The following CFAP46 variants were observed in gnomAD, a reference collection of about 807,000 sequenced individuals.
CFAP46 encodes cilia- and flagella-associated protein 46.
In CFAP46, 245 loss-of-function variants were observed where a neutral mutation model predicts 325.7. The ratio of observed to expected loss-of-function variants is 0.75; its 90% confidence interval spans 0.68 to 0.84. The LOEUF (loss-of-function observed/expected upper bound fraction) is 0.84. Ranked by LOEUF, CFAP46 falls within the 40% of genes least tolerant of loss-of-function variation. CFAP46 has a pLI of 0.00. For missense variants in CFAP46, 3,346 were observed against 3,543.0 expected, an observed-to-expected ratio of 0.94 and a Z score of 1.41; for synonymous variants, 1,523 against 1,495.9, an observed-to-expected ratio of 1.02 and a Z score of -0.42.
Position 132,886,131 on chromosome 10 carries a change from A to G in CFAP46, c.3305-172T>C, listed in dbSNP as rs532567916. On this transcript the variant is annotated intron_variant, in intron 25 of 57. Transcript: ENST00000368586. This position sits in a 1 kb window ranked among gnomAD's most constrained non-coding sequence, Gnocchi z 5.8. ...GGGCTGAAGTGAGCTGTGGACCTGC[A>G]TGGCCCCTCCAGCCCCACAGTGGCC... Among the ~76,000 whole-genome samples, 18 of 152,274 alleles carry G rather than the reference A, an allele frequency of 1.2e-4. No individual in the cohort carries two copies. Among genetic ancestry groups the G allele is most frequent in the East Asian group, 3.9e-4 (2 of 5,174 alleles).
intron 13 of CFAP46, among the ~76,000 whole-genome samples, chr10:132,920,672 C>T (rs914501711): frequency 5.3e-5 from 8 of 152,308 alleles, no homozygotes; most frequent in African/African-American, 1.4e-4. Context: ...TGTGCATGGG[C>T]GACCCCGGGG....
rs1309183185 is a variant in CFAP46 at position 132,850,402 on chromosome 10, G to A, written c.5794C>T (p.His1932Tyr). ...QWFTLKRTLA[H>Y]GALAQLGSLQ... Reference sequence around the variant, plus strand: ...CTCCCCAGCTGTGCCAGTGCCCCGTGTGCTAGAGTCCGCTTCAGCGTGAAC... The same window carrying A: ...CTCCCCAGCTGTGCCAGTGCCCCGTATGCTAGAGTCCGCTTCAGCGTGAAC... Residue 1932 changes from histidine (H) to tyrosine (Y), a missense_variant, in exon 41 of 58, where the codon CAC (histidine) becomes TAC (tyrosine). By Grantham distance (83) the His-to-Tyr change is moderately conservative. Coordinates refer to ENST00000368586, the MANE Select transcript of CFAP46 (RefSeq NM_001200049.3). The A allele has an allele frequency of 1.3e-6, 2 of 1,580,562 alleles. No individual in the cohort carries two copies. Among genetic ancestry groups the A allele is most frequent in the South Asian group, 2.3e-5 (2 of 86,700 alleles).
chr10:132,810,879 G>C, intron 56 of CFAP46, 71 bp downstream of exon 56: 2 of 1,409,166 alleles, frequency 1.4e-6, no homozygotes, highest in South Asian at 2.5e-5. Flanking sequence ...CTCCCTTGTG[G>C]GTCCCACGCC....
At chr10:132,850,110 C>G in intron 41 of CFAP46, 134 bp downstream of exon 41, 1 of 901,806 alleles carries the variant, frequency 1.1e-6, no homozygotes, top group East Asian at 2.7e-5. Flanking sequence ...TTCCCTCACG[C>G]CTACTTCCTA....
chr10:132,919,431 C>T lies in CFAP46; in HGVS notation c.1742G>A (p.Trp581Ter), dbSNP rs953855094. ...NENDKERIQI[W>*]AELAKVARKQ... Reference sequence around the variant, plus strand: ...CCGGGCCACTTTGGCCAGCTCTGCCCAAATCTGTATCCTGCTCACCGAGAA... The same window carrying T: ...CCGGGCCACTTTGGCCAGCTCTGCCTAAATCTGTATCCTGCTCACCGAGAA... The change falls in exon 15 of 58, where the codon TGG (tryptophan) becomes TAG (stop). Residue 581 changes from tryptophan to a stop codon, truncating the protein, a stop_gained. Transcript: ENST00000368586. LOFTEE classifies it high-confidence loss of function. The surrounding 1 kb of genome is among the most constrained non-coding windows in gnomAD (Gnocchi z 9.7). 5 of 1,549,532 alleles carry T rather than the reference C, an allele frequency of 3.2e-6. No individual in the cohort carries two copies. In the African/African-American group the frequency reaches 5.5e-5, roughly 17 times the overall value.
chr10:132,936,906 C>T (rs1850016595), intron 7 of CFAP46, 55 bp downstream of exon 7: 4 of 1,157,890 alleles, frequency 3.5e-6, no homozygotes, highest in Non-Finnish European at 4.8e-6. Context: ...CAGAGCTCTC[C>T]CAAGCCCAGC....
Position 132,884,116 on chromosome 10 carries a change from C to T in CFAP46, c.3627+987G>A, listed in dbSNP as rs574189452. 1.3e-5 allele frequency among the ~76,000 whole-genome samples: 2 copies of T among 152,218 alleles called. No individual in the cohort carries two copies. Among genetic ancestry groups the T allele is most frequent in the Non-Finnish European group, 1.5e-5 (1 of 68,024 alleles). ...CTGGGTCCTGCCTTCCCCAGCCGCC[C>T]GCAGCCTCCCCTCCTCAGGCCCTTC... On this transcript the variant is annotated intron_variant, in intron 27 of 57. Transcript: ENST00000368586. This position sits in a 1 kb window ranked among gnomAD's most constrained non-coding sequence, Gnocchi z 5.4.
chr10:132,919,791 G>A lies in CFAP46; in HGVS notation c.1730+268C>T, dbSNP rs1019409267. ...AAATCAGCCTGCTCTGGTCACAGGC[G>A]CTGCGTGTCCTCCGAGTGACAGCAG... On this transcript the variant is annotated intron_variant, in intron 14 of 57. Coordinates refer to ENST00000368586, the MANE Select transcript of CFAP46 (RefSeq NM_001200049.3). This position sits in a 1 kb window ranked among gnomAD's most constrained non-coding sequence, Gnocchi z 9.7. Among the ~76,000 whole-genome samples the A allele has an allele frequency of 7.2e-5, 11 of 152,104 alleles. No homozygotes were observed. The highest frequency in any genetic ancestry group is 1.2e-4 in the African/African-American group (5 of 41,424).
Position 132,828,158 on chromosome 10 carries a change from G to C in CFAP46, c.7117+5200C>G, listed in dbSNP as rs1009528830. 4.6e-5 allele frequency among the ~76,000 whole-genome samples: 7 copies of C among 152,222 alleles called. No homozygotes were observed. The highest frequency in any genetic ancestry group is 1.7e-4 in the African/African-American group (7 of 41,448). ...CCCGGTTTAGGTCATTGCAGATAACGCTGCTGTAAACATGTGTATGAGTTT... is the reference window on the plus strand; with the variant it reads ...CCCGGTTTAGGTCATTGCAGATAACCCTGCTGTAAACATGTGTATGAGTTT... On this transcript the variant is annotated intron_variant, in intron 50 of 57. Transcript: ENST00000368586. This position sits in a 1 kb window ranked among gnomAD's most constrained non-coding sequence, Gnocchi z 4.9.
At chr10:132,920,252 C>A (rs1435781074) in intron 13 of CFAP46, 70 bp from the exon 14 acceptor site, 7 of 1,445,998 alleles carry the variant, frequency 4.8e-6, no homozygotes, top group African/African-American at 1.4e-5. Flanking sequence ...CCATCAGTAA[C>A]CAATGCCCTG....
chr10:132,853,717 T>G lies in CFAP46; in HGVS notation c.5575-2412A>C, dbSNP rs1025943190. On this transcript the variant is annotated intron_variant, in intron 39 of 57. Transcript: ENST00000368586. Reference sequence around the variant, plus strand: ...AATATATAGGGCTACTCAGGCTATCTCTTTCTTTTTGAGTGGGCTTTGGTA... The same window carrying G: ...AATATATAGGGCTACTCAGGCTATCGCTTTCTTTTTGAGTGGGCTTTGGTA... Among the ~76,000 whole-genome samples the G allele has an allele frequency of 3.9e-5, 6 of 152,188 alleles. No homozygotes were observed. In the South Asian group the frequency reaches 1.2e-3, roughly 31 times the overall value.
chr10:132,904,846 C>T (rs949317332), intron 22 of CFAP46, among the ~76,000 whole-genome samples: 5 of 152,232 alleles, frequency 3.3e-5, no homozygotes, highest in African/African-American at 7.2e-5. Flanking sequence ...GCTGCAGCCT[C>T]GACCTACAGG....
At chr10:132,854,903 C>T (rs558343131) in intron 39 of CFAP46, among the ~76,000 whole-genome samples, 143 of 139,446 alleles carry the variant, frequency 1.0e-3, no homozygotes, top group Non-Finnish European at 2.0e-3. Context: ...TTTTATATAA[C>T]TTAAATCTTT....
intron 41 of CFAP46, among the ~76,000 whole-genome samples, chr10:132,849,297 C>T (rs1208680821): frequency 6.6e-6 from 1 of 152,350 alleles, no homozygotes; most frequent in Non-Finnish European, 1.5e-5. Flanking sequence ...TCAATTCACT[C>T]GAGGTACATC....
chr10:132,926,158 G>A (rs1196441216), intron 10 of CFAP46, among the ~76,000 whole-genome samples: 1 of 152,242 alleles, frequency 6.6e-6, no homozygotes, highest in Non-Finnish European at 1.5e-5. Context: ...GGCCGGCGGT[G>A]GCTTTTGCCC....
rs930249121 is a variant in CFAP46 at position 132,876,666 on chromosome 10, G to C, written c.4362+146C>G. The C allele has an allele frequency of 5.1e-6, 4 of 777,320 alleles. No individual in the cohort carries two copies. In the South Asian group the frequency reaches 8.1e-5, roughly 16 times the overall value. The allele number at this position is 777,320 out of a possible 1,614,324, so 48.2% of individuals were successfully genotyped here. A position where few individuals can be genotyped will look rare whatever the true frequency, so the allele number is the denominator to read the frequency against. ...GAGGGCAGACAGTGGTGCTGGGAGG[G>C]CCTGTGGGAGGCTGGGGGCTGATGG... On this transcript the variant is annotated intron_variant, in intron 31 of 57. Transcript: ENST00000368586. The surrounding 1 kb of genome is among the most constrained non-coding windows in gnomAD (Gnocchi z 4.1).
chr10:132,919,981 C>T lies in CFAP46; in HGVS notation c.1730+78G>A, dbSNP rs1285024098. Reference sequence around the variant, plus strand: ...CGGCCACATGCAGGGTCAGCTCAGCCGCCACAGACACTGGCCCTCGGGCTG... The same window carrying T: ...CGGCCACATGCAGGGTCAGCTCAGCTGCCACAGACACTGGCCCTCGGGCTG... On this transcript the variant is annotated intron_variant, in intron 14 of 57. Coordinates refer to ENST00000368586, the MANE Select transcript of CFAP46 (RefSeq NM_001200049.3). This position sits in a 1 kb window ranked among gnomAD's most constrained non-coding sequence, Gnocchi z 9.7. 1.5e-5 allele frequency: 21 copies of T among 1,423,028 alleles called. No individual in the cohort carries two copies. The highest frequency in any genetic ancestry group is 4.6e-5 in the South Asian group (3 of 65,830). 88.2% of individuals were successfully genotyped at this position (1,423,028 alleles called of 1,614,324 possible).
intron 12 of CFAP46, 45 bp downstream of exon 12, chr10:132,922,435 C>A: frequency 1.3e-6 from 2 of 1,502,682 alleles, no homozygotes; most frequent in Non-Finnish European, 1.8e-6. Flanking sequence ...CGGCCCCATG[C>A]TGGGGCTGCA....
intron 44 of CFAP46, among the ~76,000 whole-genome samples, chr10:132,845,716 A>G (rs1848422410): frequency 6.6e-6 from 1 of 152,246 alleles, no homozygotes; most frequent in South Asian, 2.1e-4. Context: ...AAACGGAGGC[A>G]GGGAACATGC....
Sources: allele counts gnomAD v4.1 joint callset (sites outside exome capture counted in the v4.1 genomes callset), GRCh38; gene constraint gnomAD v4.1.1; non-coding constraint Gnocchi (gnomAD v3.1); transcripts MANE v1.5; gene names NCBI Gene and HGNC (gene_info 2026-07-23, HGNC 2026-07-21).